Variants in GPRIN3 observed in about 807,000 individuals in gnomAD.
GPRIN3 encodes G protein-regulated inducer of neurite outgrowth 3.
In GPRIN3, 12 loss-of-function variants were observed where a neutral mutation model predicts 13.7. The observed-to-expected ratio is 0.87, with a 90% CI of 0.56 to 1.42. GPRIN3 has a LOEUF of 1.42. Among genes scored for constraint, GPRIN3 ranks in the 40% most tolerant of loss-of-function variants. The probability of loss-of-function intolerance (pLI) is 0.00; values close to 1 mark genes in which losing one functional copy is unlikely to be tolerated. For synonymous variants in GPRIN3, 377 were observed against 372.7 expected, an observed-to-expected ratio of 1.01 and a Z score of -0.13; for missense variants, 1,009 against 958.7, an observed-to-expected ratio of 1.05 and a Z score of -0.69.
rs554868536 is a variant in GPRIN3 at position 89,244,765 on chromosome 4, T to C, written c.*3015A>G. 1 of 152,344 alleles carries C rather than the reference T, an allele frequency of 6.6e-6. No homozygotes were observed. Among genetic ancestry groups the C allele is most frequent in the Admixed American group, 6.5e-5 (1 of 15,314 alleles). The allele number at this position is 152,344 out of a possible 1,614,324, so 9.4% of individuals were successfully genotyped here. A position where few individuals can be genotyped will look rare whatever the true frequency, so the allele number is the denominator to read the frequency against. On this transcript the variant is annotated 3_prime_UTR_variant, in exon 2 of 2. Transcript: ENST00000609438. The stretch of plus-strand genomic sequence containing the variant: ...TTAATATTTTAAATGTTGAATTGTC[T>C]TCCAGACATGGAGTTCTAACTCACC...
At chr4:89,266,071 C>G (rs549433392) in intron 1 of GPRIN3, among the ~76,000 whole-genome samples, 2 of 152,252 alleles carry the variant, frequency 1.3e-5, no homozygotes, top group South Asian at 4.1e-4. Flanking sequence ...GTGCAGTATT[C>G]TCAGTACTGC....
chr4:89,292,381 C>G (rs999990845), intron 1 of GPRIN3, among the ~76,000 whole-genome samples: 2 of 151,900 alleles, frequency 1.3e-5, no homozygotes, highest in African/African-American at 4.8e-5. Flanking sequence ...ATTTCTTGTG[C>G]TTATACAAAA....
intron 1 of GPRIN3, among the ~76,000 whole-genome samples, chr4:89,304,786 C>T (rs1724991452): frequency 6.6e-6 from 1 of 152,102 alleles, no homozygotes; most frequent in Admixed American, 6.6e-5. Flanking sequence ...GCCCTATTCT[C>T]ATAAAAATAA....
intron 1 of GPRIN3, among the ~76,000 whole-genome samples, chr4:89,265,051 AC>A (rs1723746332): frequency 1.3e-5 from 2 of 152,166 alleles, no homozygotes; most frequent in Non-Finnish European, 2.9e-5. Flanking sequence ...GTAGTATGCT[AC>A]AGTTTTTATG....
intron 1 of GPRIN3, among the ~76,000 whole-genome samples, chr4:89,276,965 G>A (rs533290656): frequency 2.4e-4 from 36 of 152,288 alleles, no homozygotes; most frequent in Admixed American, 3.9e-4. Flanking sequence ...GGTTTAGGCG[G>A]ACCTATGTAT....
intron 1 of GPRIN3, among the ~76,000 whole-genome samples, chr4:89,278,401 A>T (rs992690550): frequency 6.6e-6 from 1 of 152,226 alleles, no homozygotes; most frequent in African/African-American, 2.4e-5. Flanking sequence ...AGCGATAATG[A>T]CATATTTAAA....
At chr4:89,260,193 T>C (rs1284063958) in intron 1 of GPRIN3, among the ~76,000 whole-genome samples, 2 of 152,186 alleles carry the variant, frequency 1.3e-5, no homozygotes, top group African/African-American at 4.8e-5. Flanking sequence ...GAAAGGGAGC[T>C]GTTCACTGAG....
intron 1 of GPRIN3, among the ~76,000 whole-genome samples, chr4:89,262,596 G>T (rs1345051331): frequency 6.6e-6 from 1 of 152,190 alleles, no homozygotes; most frequent in Non-Finnish European, 1.5e-5. Context: ...GCTGTGCAGG[G>T]AGGTCAGCCT....
chr4:89,298,675 G>GTATA (rs1216676059), intron 1 of GPRIN3, among the ~76,000 whole-genome samples: 3 of 150,494 alleles, frequency 2.0e-5, no homozygotes, highest in African/African-American at 7.4e-5. Context: ...ATATATATAT[G>GTATA]TATATATATA....
At position 89,238,416 on chromosome 4, in the gene GPRIN3, G is replaced by A. The variant is rs1722840166; in HGVS notation, c.*9364C>T. ...AGGATCCCAGTTTATCTTCTCAGGAGTAGGCAGAAAGGCTGGAGCTATATA... is the reference window on the plus strand; with the variant it reads ...AGGATCCCAGTTTATCTTCTCAGGAATAGGCAGAAAGGCTGGAGCTATATA... On this transcript the variant is annotated 3_prime_UTR_variant, in exon 2 of 2. Coordinates refer to ENST00000609438, the MANE Select transcript of GPRIN3 (RefSeq NM_198281.3). The A allele has an allele frequency of 6.6e-6, 1 of 152,224 alleles. No homozygotes were observed. Among genetic ancestry groups the A allele is most frequent in the Non-Finnish European group, 1.5e-5 (1 of 68,076 alleles). 9.4% of individuals were successfully genotyped at this position (152,224 alleles called of 1,614,324 possible).
chr4:89,302,570 A>T (rs1724927805), intron 1 of GPRIN3, among the ~76,000 whole-genome samples: 1 of 152,132 alleles, frequency 6.6e-6, no homozygotes, highest in African/African-American at 2.4e-5. Context: ...TAAAGCCAAT[A>T]ATTTAATTAC....
intron 1 of GPRIN3, among the ~76,000 whole-genome samples, chr4:89,288,565 T>C (rs926388258): frequency 6.6e-6 from 1 of 152,168 alleles, no homozygotes; most frequent in Non-Finnish European, 1.5e-5. Flanking sequence ...GGATTCAACT[T>C]TGGCCCAGAT....
rs1339779529 is a variant in GPRIN3, at chr4:89,245,610, A to G, written c.*2170T>C. On this transcript the variant is annotated 3_prime_UTR_variant, in exon 2 of 2. Transcript: ENST00000609438. The stretch of plus-strand genomic sequence containing the variant: ...TTACAGCAGAGGATTACCTGGGGCC[A>G]CCCATCTGGAGTAGGCCCTGTTGAC... The G allele has an allele frequency of 1.3e-5, 2 of 152,204 alleles. No individual in the cohort carries two copies. The highest frequency in any genetic ancestry group is 2.9e-5 in the Non-Finnish European group (2 of 68,066). The allele number at this position is 152,204 out of a possible 1,614,324, so 9.4% of individuals were successfully genotyped here. A position where few individuals can be genotyped will look rare whatever the true frequency, so the allele number is the denominator to read the frequency against.
At chr4:89,254,353 G>A (rs947496126) in intron 1 of GPRIN3, among the ~76,000 whole-genome samples, 1 of 151,966 alleles carries the variant, frequency 6.6e-6, no homozygotes, top group African/African-American at 2.4e-5. Flanking sequence ...GTACCCATTA[G>A]TTAGTTTTTT....
At chr4:89,279,673 T>C (rs1032714267) in intron 1 of GPRIN3, among the ~76,000 whole-genome samples, 1 of 152,222 alleles carries the variant, frequency 6.6e-6, no homozygotes, top group African/African-American at 2.4e-5. Context: ...TTTGTTGCCT[T>C]CTCTGCAGCA....
intron 1 of GPRIN3, among the ~76,000 whole-genome samples, chr4:89,302,164 T>C (rs1724916789): frequency 1.3e-5 from 2 of 152,204 alleles, no homozygotes; most frequent in Non-Finnish European, 2.9e-5. Context: ...ACTTACTGAA[T>C]TGACTCTCAA....
At chr4:89,254,128 G>GGTGTGTGTGTGTGT (rs57642647) in intron 1 of GPRIN3, among the ~76,000 whole-genome samples, 14,786 of 147,632 alleles carry the variant, frequency 0.1, 834 homozygotes, top group South Asian at 0.2. Flanking sequence ...GTTGCATCTG[G>GGTGTGTGTGTGTGT]GTGTGTGTGT....
Position 89,236,460 on chromosome 4 carries a change from GGT to G in GPRIN3, c.*11318_*11319del, listed in dbSNP as rs1485493956. The G allele has an allele frequency of 1.3e-5, 2 of 152,170 alleles. No individual in the cohort carries two copies. The highest frequency in any genetic ancestry group is 2.9e-5 in the Non-Finnish European group (2 of 68,048). 9.4% of individuals were successfully genotyped at this position (152,170 alleles called of 1,614,324 possible). A position where few individuals can be genotyped will look rare whatever the true frequency, so the allele number is the denominator to read the frequency against. Reference sequence around the variant, plus strand: ...AATTCAAGGCTTTTAACAATTGAGTGGTAAAGTTCAAGTGGAAGAAAGCAAAA... The same window carrying G: ...AATTCAAGGCTTTTAACAATTGAGTGAAAGTTCAAGTGGAAGAAAGCAAAA... On this transcript the variant is annotated 3_prime_UTR_variant, in exon 2 of 2. Coordinates refer to ENST00000609438, the MANE Select transcript of GPRIN3 (RefSeq NM_198281.3).
At chr4:89,290,087 C>T (rs928642170) in intron 1 of GPRIN3, among the ~76,000 whole-genome samples, 7 of 151,072 alleles carry the variant, frequency 4.6e-5, no homozygotes, top group African/African-American at 7.3e-5. Flanking sequence ...CCAGCCTGGG[C>T]GACAGAGTGA....
Sources: allele counts gnomAD v4.1 joint callset (sites outside exome capture counted in the v4.1 genomes callset), GRCh38; gene constraint gnomAD v4.1.1; transcripts MANE v1.5; gene names NCBI Gene and HGNC (gene_info 2026-07-23, HGNC 2026-07-21).